The following SMYD3 variants were observed in gnomAD, a reference collection of about 807,000 sequenced individuals.
The protein encoded by SMYD3 is histone-lysine N-methyltransferase SMYD3.
In SMYD3, 36 loss-of-function variants were observed where a neutral mutation model predicts 57.7. That is an observed-to-expected ratio of 0.62 (90% CI 0.48 to 0.82). The LOEUF is 0.82. Ranked by LOEUF, SMYD3 falls within the 40% of genes least tolerant of loss-of-function variation. The pLI is 0.00. For synonymous variants in SMYD3, 211 were observed against 195.0 expected, an observed-to-expected ratio of 1.08 and a Z score of -0.68; for missense variants, 515 against 538.8, an observed-to-expected ratio of 0.96 and a Z score of 0.44.
chr1:246,166,970 T>A (rs576551117), intron 5 of SMYD3, among the ~76,000 whole-genome samples: 46 of 152,264 alleles, frequency 3.0e-4, no homozygotes, highest in African/African-American at 1.0e-3. Context: ...CTAGCGACCA[T>A]CAATCTGCAC....
At chr1:246,398,147 A>G (rs755027294) in intron 1 of SMYD3, among the ~76,000 whole-genome samples, 18 of 152,228 alleles carry the variant, frequency 1.2e-4, no homozygotes, top group Non-Finnish European at 1.9e-4. Flanking sequence ...CTCCGGAACA[A>G]TGGCTGGTTA....
chr1:245,890,987 G>A (rs1263157982), intron 8 of SMYD3, among the ~76,000 whole-genome samples: 2 of 152,158 alleles, frequency 1.3e-5, no homozygotes, highest in Non-Finnish European at 2.9e-5. Context: ...AACTTCACAT[G>A]TTCTCACTAA....
At chr1:246,146,900 A>G (rs1002378088) in intron 5 of SMYD3, among the ~76,000 whole-genome samples, 2 of 152,158 alleles carry the variant, frequency 1.3e-5, no homozygotes, top group Non-Finnish European at 2.9e-5. Context: ...GTGTCGTCCA[A>G]TCACTGCAGC....
intron 10 of SMYD3, among the ~76,000 whole-genome samples, chr1:245,775,924 G>GA (rs2046570239): frequency 6.6e-6 from 1 of 151,998 alleles, no homozygotes; most frequent in Non-Finnish European, 1.5e-5. Context: ...TAAGATACAA[G>GA]AAAAAATGGA....
At chr1:246,416,606 G>A (rs987017175) in intron 1 of SMYD3, among the ~76,000 whole-genome samples, 30 of 151,852 alleles carry the variant, frequency 2.0e-4, no homozygotes, top group African/African-American at 6.3e-4. Context: ...GAAAGTAAAG[G>A]GGGAAAATAA....
intron 1 of SMYD3, among the ~76,000 whole-genome samples, chr1:246,377,454 C>A (rs867680920): frequency 6.6e-6 from 1 of 151,394 alleles, no homozygotes. Context: ...ACCACAAACT[C>A]CGCCTCCCGG....
chr1:246,464,522 A>C (rs2067854051), intron 1 of SMYD3, among the ~76,000 whole-genome samples: 1 of 152,174 alleles, frequency 6.6e-6, no homozygotes, highest in African/African-American at 2.4e-5. Flanking sequence ...GTCTCAAAAA[A>C]AGGTATACAA....
chr1:245,983,796 G>A (rs1227919294), intron 5 of SMYD3, among the ~76,000 whole-genome samples: 1 of 152,146 alleles, frequency 6.6e-6, no homozygotes, highest in Non-Finnish European at 1.5e-5. Flanking sequence ...AGGCTATGAT[G>A]GAATCGTTTC....
At chr1:246,447,326 T>C (rs1276208504) in intron 1 of SMYD3, among the ~76,000 whole-genome samples, 1 of 152,186 alleles carries the variant, frequency 6.6e-6, no homozygotes. Flanking sequence ...TAACAAAATG[T>C]GCTATGAGAA....
chr1:245,750,049 C>T (rs1247143772), intron 11 of SMYD3, among the ~76,000 whole-genome samples: 1 of 152,144 alleles, frequency 6.6e-6, no homozygotes, highest in Non-Finnish European at 1.5e-5. Flanking sequence ...CCATTCAATT[C>T]TCATCTATAT....
At chr1:245,800,902 C>A (rs371366361) in intron 10 of SMYD3, among the ~76,000 whole-genome samples, 1 of 152,246 alleles carries the variant, frequency 6.6e-6, no homozygotes, top group Middle Eastern at 3.4e-3. Flanking sequence ...AATAGCAGGG[C>A]ATACTCATGG....
At chr1:246,342,372 T>G (rs1373367895) in intron 2 of SMYD3, among the ~76,000 whole-genome samples, 1 of 152,168 alleles carries the variant, frequency 6.6e-6, no homozygotes, top group African/African-American at 2.4e-5. Flanking sequence ...TACTCGACAG[T>G]TTTCCATTTA....
At chr1:245,775,152 G>A (rs1334859794) in intron 10 of SMYD3, among the ~76,000 whole-genome samples, 3 of 152,086 alleles carry the variant, frequency 2.0e-5, no homozygotes, top group East Asian at 1.9e-4. Flanking sequence ...ATCTCCGCCC[G>A]GCAGCCGCCC....
chr1:246,268,189 A>C (rs2064148180), intron 5 of SMYD3, among the ~76,000 whole-genome samples: 1 of 152,184 alleles, frequency 6.6e-6, no homozygotes, highest in African/African-American at 2.4e-5. Context: ...CACAAGATAA[A>C]GGTCATAAAG....
chr1:245,842,201 A>G (rs1014408070), intron 10 of SMYD3, among the ~76,000 whole-genome samples: 6 of 152,232 alleles, frequency 3.9e-5, no homozygotes, highest in African/African-American at 1.4e-4. Flanking sequence ...TAAACAATGC[A>G]TGACTATATT....
chr1:246,045,083 T>A (rs1369328219), intron 5 of SMYD3, among the ~76,000 whole-genome samples: 1 of 152,106 alleles, frequency 6.6e-6, no homozygotes. Flanking sequence ...TTCAATGCCA[T>A]CCCCATCAAG....
At chr1:246,391,221 G>GAAA (rs58176373) in intron 1 of SMYD3, among the ~76,000 whole-genome samples, 6 of 111,036 alleles carry the variant, frequency 5.4e-5, no homozygotes, top group African/African-American at 1.6e-4. Flanking sequence ...CTCTATATCT[G>GAAA]AAAAAAAAAA....
chr1:246,009,302 T>C (rs1339645395), intron 5 of SMYD3, among the ~76,000 whole-genome samples: 1 of 152,198 alleles, frequency 6.6e-6, no homozygotes, highest in Non-Finnish European at 1.5e-5. Flanking sequence ...GTGATTTGTC[T>C]AGGTTGTTTT....
At chr1:245,894,617 C>T (rs1301055913) in intron 8 of SMYD3, among the ~76,000 whole-genome samples, 2 of 152,146 alleles carry the variant, frequency 1.3e-5, no homozygotes, top group Admixed American at 6.5e-5. Context: ...ACAATAAGTG[C>T]CCCCATAAGC....
Sources: gnomAD v4.1 joint callset for allele counts (sites outside exome capture counted in the v4.1 genomes callset) on GRCh38, gnomAD v4.1.1 for gene constraint, MANE v1.5 for transcripts, NCBI Gene and HGNC (gene_info 2026-07-23, HGNC 2026-07-21) for gene names.